PTPRA: variants seen among roughly 807,000 people sequenced by gnomAD.
The protein encoded by PTPRA is receptor-type tyrosine-protein phosphatase alpha.
A neutral mutation model predicts 104.8 loss-of-function variants in PTPRA; 25 were observed. The observed-to-expected ratio is 0.24, with a 90% CI of 0.17 to 0.33. The LOEUF (loss-of-function observed/expected upper bound fraction) is 0.33. Among genes scored for constraint, PTPRA ranks in the 10% least tolerant of loss-of-function variants. The pLI, the probability that PTPRA is intolerant of heterozygous loss-of-function variation, is 1.00. For missense variants in PTPRA, 765 were observed against 1,015.3 expected, an observed-to-expected ratio of 0.75 and a Z score of 3.35; for synonymous variants, 323 against 368.9, an observed-to-expected ratio of 0.88 and a Z score of 1.43.
chr20:2,914,025 A>G (rs1296334529), intron 1 of PTPRA, among the ~76,000 whole-genome samples: 1 of 152,180 alleles, frequency 6.6e-6, no homozygotes, highest in Non-Finnish European at 1.5e-5. Context: ...TTTAACTTAT[A>G]TCAATATGGA....
In PTPRA at chr20:2,973,900, C is replaced by T. The variant is rs764529635; in HGVS notation, c.416-1315C>T. On this transcript the variant is annotated intron_variant, in intron 5 of 23. Coordinates refer to ENST00000399903, the MANE Select transcript of PTPRA (RefSeq NM_001385305.1). ...TGGCAGGTTCTGTCACAAAACTTCTCGTCATTGTTATTTTTAAGGTATTTT... is the reference window on the plus strand; with the variant it reads ...TGGCAGGTTCTGTCACAAAACTTCTTGTCATTGTTATTTTTAAGGTATTTT... 3.3e-5 allele frequency among the ~76,000 whole-genome samples: 5 copies of T among 151,342 alleles called. No homozygotes were observed. In the East Asian group the frequency reaches 7.8e-4, roughly 23 times the overall value.
intron 6 of PTPRA, among the ~76,000 whole-genome samples, chr20:2,978,292 C>T (rs1053413190): frequency 3.3e-5 from 5 of 152,126 alleles, no homozygotes; most frequent in Non-Finnish European, 5.9e-5. Context: ...CTCAAAACAA[C>T]GGTGATTGGG....
chr20:2,989,987 A>G (rs1165377554), intron 9 of PTPRA, among the ~76,000 whole-genome samples: 1 of 152,208 alleles, frequency 6.6e-6, no homozygotes, highest in Non-Finnish European at 1.5e-5. Context: ...ACTGCACTGC[A>G]GCCTGGGCAA....
intron 3 of PTPRA, among the ~76,000 whole-genome samples, chr20:2,959,856 C>T (rs2061684033): frequency 6.6e-6 from 1 of 152,100 alleles, no homozygotes; most frequent in African/African-American, 2.4e-5. Flanking sequence ...GAGGCTGAGG[C>T]AGAAGAATCT....
intron 2 of PTPRA, 40 bp from the exon 3 acceptor site, chr20:2,947,942 G>A (rs757434034): frequency 4.7e-5 from 43 of 916,528 alleles, no homozygotes; most frequent in Non-Finnish European, 6.2e-5. Context: ...ACATAACCTA[G>A]ATACTCCTAA....
At chr20:2,921,759 A>G (rs1370151481) in intron 1 of PTPRA, among the ~76,000 whole-genome samples, 1 of 152,156 alleles carries the variant, frequency 6.6e-6, no homozygotes, top group Non-Finnish European at 1.5e-5. Flanking sequence ...GTTTGGGTAT[A>G]GGGAGCCATC....
chr20:2,910,556 T>A (rs1161231), intron 1 of PTPRA, among the ~76,000 whole-genome samples: 7 of 73,804 alleles, frequency 9.5e-5, no homozygotes, highest in African/African-American at 4.4e-4. Flanking sequence ...GGACTACAGG[T>A]GTGTGCTATC....
intron 1 of PTPRA, among the ~76,000 whole-genome samples, chr20:2,892,933 A>C (rs1001154645): frequency 1.8e-4 from 27 of 152,254 alleles, no homozygotes; most frequent in African/African-American, 6.5e-4. Context: ...TCTGTGTGAA[A>C]AATGGTATTC....
At position 2,996,960 on chromosome 20, in the gene PTPRA, C is replaced by G. The variant is rs190513160; in HGVS notation, c.739-8096C>G. Among the ~76,000 whole-genome samples the G allele has an allele frequency of 4.6e-5, 7 of 151,978 alleles. No individual in the cohort carries two copies. The East Asian group carries it at 1.4e-3, about 29-fold the overall frequency. On this transcript the variant is annotated intron_variant, in intron 9 of 23. Coordinates refer to ENST00000399903, the MANE Select transcript of PTPRA (RefSeq NM_001385305.1). ...CTTCTGAGATTCTTAACAGAAAAAG[C>G]CATGTACAAAGATGTTTATGACAGC...
intron 2 of PTPRA, among the ~76,000 whole-genome samples, chr20:2,925,069 TA>T (rs1406637461): frequency 6.6e-6 from 1 of 152,230 alleles, no homozygotes; most frequent in Admixed American, 6.5e-5. Context: ...TAACTACTTT[TA>T]AAGTATACAA....
chr20:2,906,451 A>AT (rs2059430832), intron 1 of PTPRA, among the ~76,000 whole-genome samples: 1 of 152,194 alleles, frequency 6.6e-6, no homozygotes. Flanking sequence ...AATATTTTAG[A>AT]TTTTGCAGGC....
chr20:2,955,735 C>T (rs1323314200), intron 3 of PTPRA: 1 of 894,088 alleles, frequency 1.1e-6, no homozygotes, highest in Non-Finnish European at 1.3e-6. Flanking sequence ...CACCCACCTA[C>T]TCCTGCCTAC....
chr20:2,944,964 C>T (rs1034375921), intron 2 of PTPRA, among the ~76,000 whole-genome samples: 2 of 152,076 alleles, frequency 1.3e-5, no homozygotes, highest in African/African-American at 4.8e-5. Context: ...TCTCCCTTTC[C>T]GCTTTTCTGA....
At chr20:2,970,805 CGTGTGTGTGT>C (rs10616041) in intron 5 of PTPRA, among the ~76,000 whole-genome samples, 84 of 149,722 alleles carry the variant, frequency 5.6e-4, no homozygotes, top group African/African-American at 1.9e-3. Context: ...TCTATGGTTT[CGTGTGTGTGT>C]GTGTGTGTGT....
intron 1 of PTPRA, among the ~76,000 whole-genome samples, chr20:2,916,487 A>G (rs923048919): frequency 2.0e-5 from 3 of 152,238 alleles, no homozygotes; most frequent in African/African-American, 2.4e-5. Context: ...TTAGTTGACC[A>G]TAGGGCATGG....
At chr20:2,882,033 C>G (rs950553653) in intron 1 of PTPRA, among the ~76,000 whole-genome samples, 1 of 152,078 alleles carries the variant, frequency 6.6e-6, no homozygotes, top group Non-Finnish European at 1.5e-5. Flanking sequence ...AAAACACATA[C>G]CCTTGGCAGA....
intron 1 of PTPRA, among the ~76,000 whole-genome samples, chr20:2,915,569 G>A (rs1312593389): frequency 6.6e-6 from 1 of 152,146 alleles, no homozygotes; most frequent in Non-Finnish European, 1.5e-5. Context: ...CCCATAGGTT[G>A]TCTTTCAAAA....
chr20:2,933,589 TAGCTGGGATTAC>T (rs1249868903), intron 2 of PTPRA, among the ~76,000 whole-genome samples: 1 of 152,016 alleles, frequency 6.6e-6, no homozygotes, highest in Non-Finnish European at 1.5e-5. Context: ...GCCTCCCAAG[TAGCTGGGATTAC>T]AGGCGCACGC....
chr20:3,031,712 T>C (rs2065462769), intron 20 of PTPRA, among the ~76,000 whole-genome samples: 1 of 152,186 alleles, frequency 6.6e-6, no homozygotes, highest in African/African-American at 2.4e-5. Context: ...CTTAGAGTTA[T>C]TGATGCCTCC....
Sources: gnomAD v4.1 joint callset for allele counts (sites outside exome capture counted in the v4.1 genomes callset) on GRCh38, gnomAD v4.1.1 for gene constraint, MANE v1.5 for transcripts, NCBI Gene and HGNC (gene_info 2026-07-23, HGNC 2026-07-21) for gene names.